Variants in CKLF observed in about 807,000 individuals in gnomAD.
CKLF encodes the protein chemokine-like factor.
A neutral mutation model predicts 12.9 loss-of-function variants in CKLF; 16 were observed. That is an observed-to-expected ratio of 1.24 (90% confidence interval 0.84 to 1.88). The LOEUF (loss-of-function observed/expected upper bound fraction) is 1.88, where lower values mean the gene tolerates loss of function less well. Ranked by LOEUF, CKLF falls within the 40% of genes most tolerant of loss-of-function variation. The probability of loss-of-function intolerance (pLI) is 0.00; values close to 1 mark genes in which losing one functional copy is unlikely to be tolerated. For missense variants in CKLF, 172 were observed against 188.5 expected (o/e 0.91, Z 0.51); for synonymous variants, 61 against 69.0 (o/e 0.88, Z 0.57).
rs751263170 is a variant in CKLF, at chr16:66,552,732, C to T, written c.17C>T (p.Pro6Leu). The change falls in exon 1 of 4, where the codon CCG (proline) becomes CTG (leucine). Residue 6 changes from proline to leucine, a missense_variant. Transcript: ENST00000264001. MDNVQPKIKHRPFCFS... is the reference protein window; with the variant it reads MDNVQLKIKHRPFCFS... Reference sequence around the variant, plus strand: ...GCAGACGCGATGGATAACGTGCAGCCGAAAATAAAACATCGCCCCTTCTGC... The same window carrying T: ...GCAGACGCGATGGATAACGTGCAGCTGAAAATAAAACATCGCCCCTTCTGC... The T allele has an allele frequency of 5.6e-6, 9 of 1,613,964 alleles. No individual in the cohort carries two copies. The East Asian group carries it at 1.3e-4, about 24-fold the overall frequency.
chr16:66,554,953 T>TAGGCC (rs751601012), intron 1 of CKLF, among the ~76,000 whole-genome samples: 105 of 152,216 alleles, frequency 6.9e-4, no homozygotes, highest in Non-Finnish European at 7.5e-4. Context: ...AAAAGTATAC[T>TAGGCC]AGGCCAGGCC....
chr16:66,564,272 C>T (rs1222215922), intron 3 of CKLF, among the ~76,000 whole-genome samples: 1 of 152,078 alleles, frequency 6.6e-6, no homozygotes, highest in Non-Finnish European at 1.5e-5. Context: ...CCACATGGGG[C>T]TACTGAGCAC....
intron 1 of CKLF, among the ~76,000 whole-genome samples, chr16:66,557,542 C>A (rs550385574): frequency 1.6e-4 from 24 of 152,054 alleles, no homozygotes; most frequent in Admixed American, 3.9e-4. Flanking sequence ...ACAGTAGACT[C>A]CAGATTGTTA....
At chr16:66,555,794 T>C (rs781705372) in intron 1 of CKLF, among the ~76,000 whole-genome samples, 5 of 152,128 alleles carry the variant, frequency 3.3e-5, no homozygotes, top group African/African-American at 2.4e-5. Context: ...GAAAAGACGA[T>C]GAAAGGCAGT....
intron 2 of CKLF, among the ~76,000 whole-genome samples, chr16:66,562,112 T>TAAAAAA (rs1302818577): frequency 1.3e-5 from 2 of 150,246 alleles, no homozygotes; most frequent in Non-Finnish European, 3.0e-5. Flanking sequence ...TGAGACGGAG[T>TAAAAAA]AAAAAAAATT....
intron 1 of CKLF, among the ~76,000 whole-genome samples, chr16:66,554,382 G>A (rs557589725): frequency 1.1e-4 from 16 of 152,330 alleles, no homozygotes; most frequent in African/African-American, 3.1e-4. Context: ...CCTGAGTAAA[G>A]GCATGGAGGC....
At chr16:66,554,391 G>A (rs1029015625) in intron 1 of CKLF, among the ~76,000 whole-genome samples, 1 of 152,138 alleles carries the variant, frequency 6.6e-6, no homozygotes, top group Non-Finnish European at 1.5e-5. Flanking sequence ...AGGCATGGAG[G>A]CAAAAAATAG....
chr16:66,566,151 T>C (rs2012286043), downstream of CKLF: 1 of 1,594,422 alleles, frequency 6.3e-7, no homozygotes, highest in South Asian at 1.1e-5. This position sits in a 1 kb window ranked among gnomAD's most constrained non-coding sequence, Gnocchi z 4.9. Flanking sequence ...AGAGCACTAC[T>C]GTAACTTCCA....
chr16:66,552,967 C>A (rs192312097), intron 1 of CKLF, among the ~76,000 whole-genome samples, 174 bp downstream of exon 1: 3 of 152,238 alleles, frequency 2.0e-5, no homozygotes. Context: ...CACTGTCCTC[C>A]CCTTAGGAGG....
intron 1 of CKLF, among the ~76,000 whole-genome samples, chr16:66,555,282 G>C (rs16956663): frequency 1.6e-4 from 24 of 152,286 alleles, no homozygotes; most frequent in Non-Finnish European, 2.9e-5. Context: ...CAGTAGATTG[G>C]TAGGGAAGGA....
At chr16:66,556,766 A>G (rs1313979673) in intron 1 of CKLF, among the ~76,000 whole-genome samples, 1 of 152,252 alleles carries the variant, frequency 6.6e-6, no homozygotes, top group East Asian at 1.9e-4. Flanking sequence ...AGTTTAAAAG[A>G]AAGGCATATT....
At chr16:66,553,971 A>G (rs2011301670) in intron 1 of CKLF, among the ~76,000 whole-genome samples, 1 of 152,206 alleles carries the variant, frequency 6.6e-6, no homozygotes, top group African/African-American at 2.4e-5. Flanking sequence ...AGGGAAGGAG[A>G]AATAACTTTT....
At chr16:66,565,640 G>T in intron 3 of CKLF, 1 of 511,212 alleles carries the variant, frequency 2.0e-6, no homozygotes, top group East Asian at 3.3e-5. Flanking sequence ...AGCCCACACT[G>T]CTTTATTATT....
At chr16:66,562,286 A>G (rs952285370) in intron 2 of CKLF, among the ~76,000 whole-genome samples, 1 of 152,126 alleles carries the variant, frequency 6.6e-6, no homozygotes, top group Non-Finnish European at 1.5e-5. Flanking sequence ...GAGTTTCACC[A>G]TGTTGGCAAG....
intron 2 of CKLF, 50 bp from the exon 3 acceptor site, chr16:66,563,072 C>A: frequency 6.2e-7 from 1 of 1,602,622 alleles, no homozygotes; most frequent in Non-Finnish European, 8.5e-7. Context: ...TCCTTTTTAG[C>A]ATTGCTTGGT....
intron 2 of CKLF, 49 bp from the exon 3 acceptor site, chr16:66,563,073 A>G: frequency 6.2e-7 from 1 of 1,605,120 alleles, no homozygotes; most frequent in Non-Finnish European, 8.5e-7. Flanking sequence ...CCTTTTTAGC[A>G]TTGCTTGGTA....
intron 3 of CKLF, 81 bp from the exon 4 acceptor site, chr16:66,565,805 G>T (rs1448517523): frequency 1.5e-6 from 2 of 1,318,182 alleles, no homozygotes; most frequent in Non-Finnish European, 2.2e-6. Flanking sequence ...GAGGAATCTG[G>T]TGGGCAGACC....
At chr16:66,556,342 A>C (rs925678345) in intron 1 of CKLF, among the ~76,000 whole-genome samples, 2 of 152,230 alleles carry the variant, frequency 1.3e-5, no homozygotes, top group African/African-American at 4.8e-5. Context: ...GCATTCATTA[A>C]ATTTAGTATT....
intron 1 of CKLF, among the ~76,000 whole-genome samples, chr16:66,557,418 T>G (rs1396986804): frequency 6.6e-6 from 1 of 152,222 alleles, no homozygotes; most frequent in African/African-American, 2.4e-5. Context: ...TCTGCCTGCC[T>G]TGGCCTCCCA....
Sources: gnomAD v4.1 joint callset for allele counts (sites outside exome capture counted in the v4.1 genomes callset) on GRCh38, gnomAD v4.1.1 for gene constraint, Gnocchi (gnomAD v3.1) non-coding constraint, MANE v1.5 for transcripts, NCBI Gene and HGNC (gene_info 2026-07-23, HGNC 2026-07-21) for gene names.